Variants in SLC14A2 observed in about 807,000 individuals in gnomAD.
SLC14A2 encodes urea transporter 2.
SLC14A2 carries 91 observed loss-of-function variants against 104.6 expected under a neutral mutation model. That is an observed-to-expected ratio of 0.87 (90% CI 0.73 to 1.04). The LOEUF (loss-of-function observed/expected upper bound fraction) is 1.04. Among genes scored for constraint, SLC14A2 ranks in the 50% least tolerant of loss-of-function variants. The probability of loss-of-function intolerance (pLI) is 0.00; values close to 1 mark genes in which losing one functional copy is unlikely to be tolerated. For missense variants in SLC14A2, 1,189 were observed against 1,156.0 expected (o/e 1.03, Z -0.41); for synonymous variants, 476 against 466.4 (o/e 1.02, Z -0.27).
At chr18:45,637,722 G>C (rs1164941811) in intron 6 of SLC14A2, among the ~76,000 whole-genome samples, 1 of 152,198 alleles carries the variant, frequency 6.6e-6, no homozygotes, top group African/African-American at 2.4e-5. Flanking sequence ...GTCAAGACTA[G>C]AGAGGTCCCC....
At chr18:45,509,815 C>T (rs1450709266) in intron 2 of SLC14A2, among the ~76,000 whole-genome samples, 1 of 152,226 alleles carries the variant, frequency 6.6e-6, no homozygotes, top group Non-Finnish European at 1.5e-5. Context: ...GGGCCCCACA[C>T]TGTGACTTCT....
intron 1 of SLC14A2, among the ~76,000 whole-genome samples, chr18:45,247,685 T>TCTTAGCCTGCTGACA (rs1389726622): frequency 1.3e-5 from 2 of 151,562 alleles, no homozygotes; most frequent in Non-Finnish European, 2.9e-5. Context: ...CAGTTGGTTA[T>TCTTAGCCTGCTGACA]TCTGTTAATG....
At chr18:45,219,517 C>A (rs913144741) in intron 1 of SLC14A2, among the ~76,000 whole-genome samples, 1 of 152,066 alleles carries the variant, frequency 6.6e-6, no homozygotes, top group East Asian at 1.9e-4. Context: ...GAAAGGCGAA[C>A]GGTTATCAAA....
intron 1 of SLC14A2, among the ~76,000 whole-genome samples, chr18:45,281,879 C>G (rs1003326492): frequency 6.6e-6 from 1 of 152,182 alleles, no homozygotes; most frequent in South Asian, 2.1e-4. Flanking sequence ...CAGCCTTGTT[C>G]ACCAGAGCTC....
intron 1 of SLC14A2, among the ~76,000 whole-genome samples, chr18:45,310,798 A>G (rs1194888126): frequency 2.0e-5 from 3 of 152,216 alleles, no homozygotes; most frequent in Non-Finnish European, 2.9e-5. Context: ...AAAGCAGGTC[A>G]TTGACTGTAG....
At chr18:45,239,144 T>C (rs1359028547) in intron 1 of SLC14A2, among the ~76,000 whole-genome samples, 2 of 152,198 alleles carry the variant, frequency 1.3e-5, no homozygotes, top group East Asian at 1.9e-4. Context: ...ATCCACTCTT[T>C]AGGTTCTAGG....
intron 1 of SLC14A2, among the ~76,000 whole-genome samples, chr18:45,428,830 A>G (rs2086472539): frequency 6.6e-6 from 1 of 152,262 alleles, no homozygotes; most frequent in African/African-American, 2.4e-5. Flanking sequence ...TAATAAGTAC[A>G]GAGAACATAC....
chr18:45,627,188 A>T, intron 4 of SLC14A2, 41 bp downstream of exon 4: 1 of 1,573,422 alleles, frequency 6.4e-7, no homozygotes, highest in Non-Finnish European at 8.7e-7. Context: ...GATGTGTGGA[A>T]CAGAAAGTAG....
intron 1 of SLC14A2, among the ~76,000 whole-genome samples, chr18:45,253,594 C>T (rs1417933852): frequency 6.6e-6 from 1 of 151,468 alleles, no homozygotes; most frequent in Non-Finnish European, 1.5e-5. Flanking sequence ...GCATGATTTT[C>T]CATCAGCAGC....
intron 19 of SLC14A2, 128 bp downstream of exon 19, chr18:45,679,152 AC>A: frequency 1.2e-6 from 1 of 832,386 alleles, no homozygotes; most frequent in Non-Finnish European, 1.9e-6. Context: ...ATTTCAAGTC[AC>A]ACTACTCACT....
chr18:45,250,793 C>T (rs903833679), intron 1 of SLC14A2, among the ~76,000 whole-genome samples: 1 of 106,142 alleles, frequency 9.4e-6, no homozygotes. Context: ...GAGACATCTT[C>T]GGGTGAGAAA....
At chr18:45,347,460 T>C (rs966812064) in intron 1 of SLC14A2, among the ~76,000 whole-genome samples, 2 of 152,234 alleles carry the variant, frequency 1.3e-5, no homozygotes, top group African/African-American at 4.8e-5. Context: ...TTATTTTCTT[T>C]TCATAAAGAG....
chr18:45,607,275 C>T (rs150557007), intron 2 of SLC14A2, among the ~76,000 whole-genome samples: 1 of 152,262 alleles, frequency 6.6e-6, no homozygotes, highest in East Asian at 1.9e-4. Flanking sequence ...CCCCATAAGA[C>T]TCAACCAATA....
Position 45,302,150 on chromosome 18 carries a change from T to C in SLC14A2, c.-125+88959T>C, listed in dbSNP as rs575811231. Among the ~76,000 whole-genome samples, 4 of 152,366 alleles carry C rather than the reference T, an allele frequency of 2.6e-5. No individual in the cohort carries two copies. In the East Asian group the frequency reaches 7.7e-4, roughly 29 times the overall value. The stretch of plus-strand genomic sequence containing the variant: ...TCAAAGAGGAAGAGGCCATGCCTGA[T>C]GCTCAGTACTCCTTTCAAAAATATA... On this transcript the variant is annotated intron_variant, in intron 1 of 20. Coordinates refer to the SLC14A2 transcript ENST00000586448.
At chr18:45,616,264 G>A (rs1280759106) in intron 1 of SLC14A2, among the ~76,000 whole-genome samples, 1 of 152,218 alleles carries the variant, frequency 6.6e-6, no homozygotes, top group East Asian at 1.9e-4. Context: ...GCAGCCACCT[G>A]CAGACTCTAC....
intron 1 of SLC14A2, among the ~76,000 whole-genome samples, chr18:45,380,444 A>G (rs1275999597): frequency 6.6e-6 from 1 of 152,182 alleles, no homozygotes; most frequent in Non-Finnish European, 1.5e-5. Flanking sequence ...GATATGGGGA[A>G]GGGTCTAAGG....
chr18:45,485,203 G>GC (rs1206761454), intron 2 of SLC14A2: 1 of 152,132 alleles, frequency 6.6e-6, no homozygotes, highest in Non-Finnish European at 1.5e-5. Context: ...TCACATGATA[G>GC]CCCAGTCAAA....
intron 2 of SLC14A2, among the ~76,000 whole-genome samples, chr18:45,594,437 G>A (rs187830732): frequency 2.6e-5 from 4 of 152,270 alleles, no homozygotes; most frequent in East Asian, 1.9e-4. Context: ...GGTTTTCTCC[G>A]TGAACTTCAA....
the SLC14A2 span, among the ~76,000 whole-genome samples, chr18:45,183,372 A>G: frequency 6.6e-6 from 1 of 152,138 alleles, no homozygotes; most frequent in Non-Finnish European, 1.5e-5. Context: ...CTTGCTGCAC[A>G]CTTTGATGTG....
Sources: allele counts gnomAD v4.1 joint callset (sites outside exome capture counted in the v4.1 genomes callset), GRCh38; gene constraint gnomAD v4.1.1; transcripts MANE v1.5; gene names NCBI Gene and HGNC (gene_info 2026-07-23, HGNC 2026-07-21).